Variants in TSHZ1 observed in about 807,000 individuals in gnomAD.
TSHZ1 encodes teashirt homolog 1.
In TSHZ1, 12 loss-of-function variants were observed where a neutral mutation model predicts 67.1. The ratio of observed to expected loss-of-function variants is 0.18; its 90% confidence interval spans 0.11 to 0.29. TSHZ1 has a LOEUF of 0.29. TSHZ1 is among the 10% of genes least tolerant of loss of function. The probability of loss-of-function intolerance (pLI) is 1.00; values close to 1 mark genes in which losing one functional copy is unlikely to be tolerated. For missense variants in TSHZ1, 1,305 were observed against 1,413.9 expected (o/e 0.92, Z 1.23); for synonymous variants, 632 against 622.4 (o/e 1.02, Z -0.23).
intron 1 of TSHZ1, among the ~76,000 whole-genome samples, chr18:75,232,296 A>G (rs1191268369): frequency 1.3e-5 from 2 of 152,242 alleles, no homozygotes; most frequent in East Asian, 3.9e-4. Context: ...TTGAGTTTTA[A>G]TGCGTCTACA....
At chr18:75,223,146 G>A (rs565816651) in intron 1 of TSHZ1, among the ~76,000 whole-genome samples, 15 of 152,182 alleles carry the variant, frequency 9.9e-5, no homozygotes, top group South Asian at 6.2e-4. Flanking sequence ...GGGAATTCAC[G>A]GCACTCAGTT....
intron 1 of TSHZ1, among the ~76,000 whole-genome samples, chr18:75,238,567 C>G (rs144507460): frequency 1.3e-5 from 2 of 151,476 alleles, no homozygotes; most frequent in East Asian, 1.9e-4. Context: ...TCTGCCTCCC[C>G]GAAGAGCCCC....
At chr18:75,251,644 A>G (rs2023305997) in intron 1 of TSHZ1, among the ~76,000 whole-genome samples, 1 of 152,108 alleles carries the variant, frequency 6.6e-6, no homozygotes, top group African/African-American at 2.4e-5. Flanking sequence ...TAATTTGACA[A>G]TCTTTGCCAG....
chr18:75,279,483 C>T (rs2023658566), intron 1 of TSHZ1, among the ~76,000 whole-genome samples: 1 of 152,156 alleles, frequency 6.6e-6, no homozygotes. Flanking sequence ...GCCGCCGGCC[C>T]TCCTGTTTGT....
At chr18:75,224,167 T>C (rs1390314015) in intron 1 of TSHZ1, among the ~76,000 whole-genome samples, 1 of 152,012 alleles carries the variant, frequency 6.6e-6, no homozygotes, top group Non-Finnish European at 1.5e-5. Context: ...TTCATGTTCT[T>C]TCAACCTAAT....
intron 1 of TSHZ1, among the ~76,000 whole-genome samples, chr18:75,270,702 CGTGA>C (rs2023546406): frequency 6.6e-6 from 1 of 152,164 alleles, no homozygotes; most frequent in Non-Finnish European, 1.5e-5. Context: ...AGGCTACTGT[CGTGA>C]GTATTTAGGA....
chr18:75,288,368 T>A lies in TSHZ1; in HGVS notation c.2961T>A (p.Ser987Arg). The change falls in exon 2 of 2, where the codon AGT becomes AGA. Residue 987 changes from serine (S) to arginine (R), a missense_variant. Ser to Arg is a moderately radical substitution (Grantham distance 110). Around this residue, in one of 3 missense-constraint regions of TSHZ1, gnomAD observed 909 missense variants for 961.8 expected, o/e 0.95. Coordinates refer to ENST00000580243, the MANE Select transcript of TSHZ1 (RefSeq NM_001308210.2). The surrounding 1 kb of genome is among the most constrained non-coding windows in gnomAD (Gnocchi z 4.9). Reference protein sequence around the residue: ...SQFRTASTYISHLETHLGFSL... With the variant: ...SQFRTASTYIRHLETHLGFSL... ...TCAGAACTGCTTCTACATACATAAG[T>A]CATTTGGAGACACACTTGGGCTTCA... The A allele has an allele frequency of 6.2e-7, 1 of 1,614,166 alleles. No individual in the cohort carries two copies. The highest frequency in any genetic ancestry group is 8.5e-7 in the Non-Finnish European group (1 of 1,180,040).
At chr18:75,265,188 A>G (rs2023475916) in intron 1 of TSHZ1, among the ~76,000 whole-genome samples, 1 of 152,210 alleles carries the variant, frequency 6.6e-6, no homozygotes, top group Non-Finnish European at 1.5e-5. Context: ...AAAAAAGAAA[A>G]AAGACTTTTA....
chr18:75,232,141 G>C (rs2023007482), intron 1 of TSHZ1, among the ~76,000 whole-genome samples: 1 of 152,052 alleles, frequency 6.6e-6, no homozygotes, highest in Non-Finnish European at 1.5e-5. Context: ...TCGAACTCCT[G>C]ACCTTGGGCG....
intron 1 of TSHZ1, chr18:75,245,412 T>G (rs1298227475): frequency 6.6e-6 from 1 of 152,188 alleles, no homozygotes; most frequent in Non-Finnish European, 1.5e-5. Context: ...TATGTCAGTG[T>G]TAATTTTTAA....
chr18:75,253,946 G>A (rs1404878257), intron 1 of TSHZ1, among the ~76,000 whole-genome samples: 1 of 152,194 alleles, frequency 6.6e-6, no homozygotes, highest in African/African-American at 2.4e-5. Flanking sequence ...AATCATATGG[G>A]TTTGTATTTG....
At chr18:75,261,526 C>T (rs1398924724) in intron 1 of TSHZ1, among the ~76,000 whole-genome samples, 5 of 152,232 alleles carry the variant, frequency 3.3e-5, no homozygotes, top group Non-Finnish European at 7.3e-5. Flanking sequence ...AGCCACAGAG[C>T]AAGAGGGTGG....
chr18:75,215,131 G>A (rs2022749422), intron 1 of TSHZ1, among the ~76,000 whole-genome samples: 1 of 152,106 alleles, frequency 6.6e-6, no homozygotes. Flanking sequence ...CTTCAATGCT[G>A]AAGACCCTCA....
intron 1 of TSHZ1, among the ~76,000 whole-genome samples, chr18:75,278,171 T>C (rs1310748535): frequency 6.7e-6 from 1 of 149,618 alleles, no homozygotes; most frequent in Non-Finnish European, 1.5e-5. Context: ...AGGCCCAGGC[T>C]CCTGGGGAGC....
At position 75,288,613 on chromosome 18, in the gene TSHZ1, T is replaced by C. The variant is rs1203830781; in HGVS notation, c.3206T>C (p.Ile1069Thr). 1 of 1,605,420 alleles carries C rather than the reference T, an allele frequency of 6.2e-7. No individual in the cohort carries two copies. The highest frequency in any genetic ancestry group is 8.5e-7 in the Non-Finnish European group (1 of 1,176,172). ...THGKSPEDHL[I>T]YVTELEKQ ...GGCAAGTCTCCCGAGGACCACCTGA[T>C]CTATGTGACTGAGTTGGAGAAACAG... Residue 1069 changes from isoleucine (I) to threonine (T), a missense_variant, in exon 2 of 2, where the codon ATC becomes ACC. Physicochemically the swap from Ile to Thr is moderately conservative, Grantham distance 89. Around this residue, in one of 3 missense-constraint regions of TSHZ1, gnomAD observed 909 missense variants for 961.8 expected, o/e 0.95. Coordinates refer to ENST00000580243, the MANE Select transcript of TSHZ1 (RefSeq NM_001308210.2). The surrounding 1 kb of genome is among the most constrained non-coding windows in gnomAD (Gnocchi z 4.9).
In TSHZ1 at chr18:75,286,248, G is replaced by C. The variant is rs778692508; in HGVS notation, c.841G>C (p.Glu281Gln). The change falls in exon 2 of 2, where the codon GAG becomes CAG. Residue 281 changes from glutamate to glutamine, a missense_variant. Physicochemically the swap from Glu to Gln is conservative, Grantham distance 29 (BLOSUM62 2). Around this residue, in one of 3 missense-constraint regions of TSHZ1, gnomAD observed 358 missense variants for 375.6 expected, o/e 0.95. Transcript: ENST00000580243. The surrounding 1 kb of genome is among the most constrained non-coding windows in gnomAD (Gnocchi z 5.1). The stretch of plus-strand genomic sequence containing the variant: ...TGACGACAACAGGGACAAGGACTCC[G>C]AGAAGACCAAGAGGTGGTCCAAGCC... ...YRDDNRDKDS[E>Q]KTKRWSKPRK... 2 of 1,613,982 alleles carry C rather than the reference G, an allele frequency of 1.2e-6. No individual in the cohort carries two copies.
chr18:75,246,403 G>GGGGTGTGTGTGTGTGTGTGT (rs1555727131), intron 1 of TSHZ1, among the ~76,000 whole-genome samples: 3 of 108,372 alleles, frequency 2.8e-5, no homozygotes, highest in Non-Finnish European at 5.6e-5. Flanking sequence ...TTTGGTTTCT[G>GGGGTGTGTGTGTGTGTGTGT]GTGTGTGTGT....
chr18:75,255,198 C>T (rs1451766046), intron 1 of TSHZ1, among the ~76,000 whole-genome samples: 2 of 152,076 alleles, frequency 1.3e-5, no homozygotes, highest in African/African-American at 2.4e-5. Context: ...TCTCTAATAT[C>T]GCATTTGGAA....
chr18:75,271,387 C>T (rs1034832569), intron 1 of TSHZ1, among the ~76,000 whole-genome samples: 4 of 152,164 alleles, frequency 2.6e-5, no homozygotes, highest in Non-Finnish European at 5.9e-5. Flanking sequence ...CACCTTCTTC[C>T]ATCTTTTTAG....
Sources: allele counts gnomAD v4.1 joint callset (sites outside exome capture counted in the v4.1 genomes callset), GRCh38; gene constraint gnomAD v4.1.1; regional missense constraint gnomAD v4.1.1; non-coding constraint Gnocchi (gnomAD v3.1); transcripts MANE v1.5; gene names NCBI Gene and HGNC (gene_info 2026-07-23, HGNC 2026-07-21).